Variants in RHBDD1 observed in about 807,000 individuals in gnomAD.
RHBDD1 encodes rhomboid-related protein 4.
Under a neutral mutation model 36.3 loss-of-function variants are expected in RHBDD1, and 38 were observed. That is an observed-to-expected ratio of 1.05 (90% CI 0.81 to 1.37). The LOEUF (loss-of-function observed/expected upper bound fraction) is 1.37. Ranked by LOEUF, RHBDD1 falls within the 40% of genes most tolerant of loss-of-function variation. The probability of loss-of-function intolerance (pLI) is 0.00; values close to 1 mark genes in which losing one functional copy is unlikely to be tolerated. For synonymous variants in RHBDD1, 151 were observed against 136.5 expected, an observed-to-expected ratio of 1.11 and a Z score of -0.74; for missense variants, 393 against 377.6, an observed-to-expected ratio of 1.04 and a Z score of -0.34.
chr2:226,855,393 G>T (rs1220685933), intron 3 of RHBDD1, among the ~76,000 whole-genome samples: 1 of 152,170 alleles, frequency 6.6e-6, no homozygotes, highest in African/African-American at 2.4e-5. Context: ...TGTAGTCCCA[G>T]CTTGGGAGGC....
intron 5 of RHBDD1, among the ~76,000 whole-genome samples, chr2:226,893,273 A>G (rs1365636711): frequency 6.6e-6 from 1 of 152,248 alleles, no homozygotes; most frequent in African/African-American, 2.4e-5. Flanking sequence ...AAATCAGGCT[A>G]TAAACAGTCG....
At chr2:226,816,375 C>CAAAA in the RHBDD1 span, among the ~76,000 whole-genome samples, 482 of 64,930 alleles carry the variant, frequency 7.4e-3, 12 homozygotes, top group African/African-American at 0.021. Context: ...GGAATGGTGG[C>CAAAA]AAAAAAAAAA....
chr2:226,836,018 C>G (rs527344635), upstream of RHBDD1: 4 of 152,824 alleles, frequency 2.6e-5, no homozygotes, highest in East Asian at 1.9e-4. Context: ...CGGGGCGCCC[C>G]GGATCGGGAA....
intron 8 of RHBDD1, among the ~76,000 whole-genome samples, chr2:226,934,788 G>A (rs1372762591): frequency 3.3e-5 from 5 of 151,838 alleles, no homozygotes; most frequent in African/African-American, 1.2e-4. Context: ...TGCCAACTAG[G>A]AACATTAGCT....
intron 8 of RHBDD1, among the ~76,000 whole-genome samples, chr2:226,987,392 T>TG (rs1429756206): frequency 6.6e-6 from 1 of 151,910 alleles, no homozygotes; most frequent in African/African-American, 2.4e-5. Flanking sequence ...CAAAATGTGT[T>TG]GGAGGACATT....
rs1954190528 is a variant in RHBDD1 at position 226,974,462 on chromosome 2, C to T, written c.857-20969C>T. 4.6e-5 allele frequency among the ~76,000 whole-genome samples: 7 copies of T among 152,132 alleles called. No homozygotes were observed. In the South Asian group the frequency reaches 1.4e-3, roughly 32 times the overall value. On this transcript the variant is annotated intron_variant, in intron 8 of 8. Transcript: ENST00000392062. ...CCGTGTTAGCCAGGATGGTTTCGATCTCCTGACCTCATGATCCACAGGTCT... is the reference window on the plus strand; with the variant it reads ...CCGTGTTAGCCAGGATGGTTTCGATTTCCTGACCTCATGATCCACAGGTCT...
intron 2 of RHBDD1, 100 bp from the exon 3 acceptor site, chr2:226,839,309 A>AT: frequency 6.6e-6 from 1 of 152,238 alleles, no homozygotes; most frequent in South Asian, 2.1e-4. Context: ...GTTCTTTAAA[A>AT]AAACTATTAA....
chr2:226,825,156 AG>A, the RHBDD1 span, among the ~76,000 whole-genome samples: 1 of 152,210 alleles, frequency 6.6e-6, no homozygotes, highest in Non-Finnish European at 1.5e-5. Flanking sequence ...GCCAGAATTT[AG>A]GAGGGGTGGT....
At chr2:226,966,112 T>C (rs142605890) in intron 8 of RHBDD1, among the ~76,000 whole-genome samples, 4 of 152,226 alleles carry the variant, frequency 2.6e-5, no homozygotes, top group African/African-American at 9.6e-5. Context: ...ATAAAAACCA[T>C]ATGATTGTCT....
the RHBDD1 span, among the ~76,000 whole-genome samples, chr2:226,821,512 T>C: frequency 1.3e-5 from 2 of 151,894 alleles, no homozygotes; most frequent in African/African-American, 4.8e-5. Flanking sequence ...TTTGCTCTAA[T>C]TTTTTTATTT....
chr2:226,932,599 A>G (rs1950090393), intron 8 of RHBDD1, among the ~76,000 whole-genome samples: 1 of 151,772 alleles, frequency 6.6e-6, no homozygotes. Flanking sequence ...TGTGACTCGG[A>G]TAGGTTCTCC....
chr2:226,946,985 A>G (rs1225311902), intron 8 of RHBDD1, among the ~76,000 whole-genome samples: 1 of 152,220 alleles, frequency 6.6e-6, no homozygotes, highest in Non-Finnish European at 1.5e-5. Context: ...GATTATCTCA[A>G]TAGATGCAGA....
intron 6 of RHBDD1, 35 bp from the exon 7 acceptor site, chr2:226,908,787 G>T (rs548816353): frequency 6.8e-7 from 1 of 1,468,878 alleles, no homozygotes; most frequent in African/African-American, 1.4e-5. Context: ...AAGCTTTATG[G>T]CTGCCATTAA....
chr2:226,960,659 TG>T lies in RHBDD1; in HGVS notation c.857-34771del, dbSNP rs1404524822. On this transcript the variant is annotated intron_variant, in intron 8 of 8. Coordinates refer to ENST00000392062, the MANE Select transcript of RHBDD1 (RefSeq NM_001167608.3). ...ACTTATTTTATTAGATGTCTAATTC[TG>T]TAAATGAATATATATACAGAAGTGG... is the stretch of plus-strand genomic sequence containing the variant. Among the ~76,000 whole-genome samples, 7 of 152,370 alleles carry T rather than the reference TG, an allele frequency of 4.6e-5. No individual in the cohort carries two copies. The South Asian group carries it at 1.4e-3, about 32-fold the overall frequency.
At position 226,864,664 on chromosome 2, in the gene RHBDD1, A is replaced by G; in HGVS notation, c.-30A>G. On this transcript the variant is annotated 5_prime_UTR_variant, in exon 4 of 9. Transcript: ENST00000392062. ...ACTGACCACCTGAGTACGTTTTCCC[A>G]TTGCTGAGCTGTTTCCCTGATATCT... The G allele has an allele frequency of 6.3e-7, 1 of 1,589,438 alleles. No homozygotes were observed. Among genetic ancestry groups the G allele is most frequent in the Non-Finnish European group, 8.6e-7 (1 of 1,163,148 alleles).
chr2:226,821,514 T>A, the RHBDD1 span, among the ~76,000 whole-genome samples: 1 of 152,024 alleles, frequency 6.6e-6, no homozygotes, highest in South Asian at 2.1e-4. Context: ...TGCTCTAATT[T>A]TTTTATTTTA....
chr2:226,800,267 C>G, the RHBDD1 span: 1 of 152,274 alleles, frequency 6.6e-6, no homozygotes, highest in African/African-American at 2.4e-5. Context: ...AAGGCTGTTT[C>G]CCCCAGGAAA....
chr2:226,993,400 C>G (rs537824277), intron 8 of RHBDD1, among the ~76,000 whole-genome samples: 1 of 152,114 alleles, frequency 6.6e-6, no homozygotes, highest in African/African-American at 2.4e-5. Context: ...CAAGTCCTGG[C>G]CTGCACTCAC....
At chr2:226,872,756 C>T (rs1944893925) in intron 5 of RHBDD1, among the ~76,000 whole-genome samples, 1 of 152,146 alleles carries the variant, frequency 6.6e-6, no homozygotes, top group Non-Finnish European at 1.5e-5. Flanking sequence ...ATGCAGTCCT[C>T]TTTATTCATT....
Sources: allele counts gnomAD v4.1 joint callset (sites outside exome capture counted in the v4.1 genomes callset), GRCh38; gene constraint gnomAD v4.1.1; transcripts MANE v1.5; gene names NCBI Gene and HGNC (gene_info 2026-07-23, HGNC 2026-07-21).